The following KLF17 variants were observed in gnomAD, a reference collection of about 807,000 sequenced individuals.
KLF17 encodes the protein KLF transcription factor 17, also known as Krueppel-like factor 17.
A neutral mutation model predicts 34.2 loss-of-function variants in KLF17; 31 were observed. The observed-to-expected ratio is 0.91, with a 90% confidence interval of 0.68 to 1.22. The LOEUF (loss-of-function observed/expected upper bound fraction) is 1.22, where lower values mean the gene tolerates loss of function less well. KLF17 is among the 50% of genes most tolerant of loss of function. The probability of loss-of-function intolerance (pLI) is 0.00; values close to 1 mark genes in which losing one functional copy is unlikely to be tolerated. For synonymous variants in KLF17, 179 were observed against 186.7 expected, an observed-to-expected ratio of 0.96 and a Z score of 0.34; for missense variants, 478 against 505.2, an observed-to-expected ratio of 0.95 and a Z score of 0.52.
chr1:44,112,099 T>A, the KLF17 span, among the ~76,000 whole-genome samples: 3 of 152,208 alleles, frequency 2.0e-5, no homozygotes, highest in African/African-American at 7.2e-5. Context: ...TGAAGTTGGA[T>A]TCCCATTGTT....
the KLF17 span, among the ~76,000 whole-genome samples, chr1:44,060,977 T>A: frequency 4.6e-5 from 7 of 152,226 alleles, no homozygotes; most frequent in Non-Finnish European, 7.3e-5. Context: ...AGGGCATTAA[T>A]CCCAGCTGTA....
the KLF17 span, among the ~76,000 whole-genome samples, chr1:44,084,370 T>A: frequency 6.6e-6 from 1 of 152,258 alleles, no homozygotes; most frequent in Non-Finnish European, 1.5e-5. Context: ...TGCCTAATCC[T>A]GGAAGCGAAG....
chr1:44,081,328 T>C, the KLF17 span, among the ~76,000 whole-genome samples: 1 of 151,974 alleles, frequency 6.6e-6, no homozygotes. Flanking sequence ...TTAAACTAAA[T>C]CTGTTTAGTT....
At chr1:44,107,536 A>G in the KLF17 span, among the ~76,000 whole-genome samples, 449 of 152,310 alleles carry the variant, frequency 2.9e-3, 5 homozygotes, top group African/African-American at 0.01. Flanking sequence ...TTTAAATTGC[A>G]TGTTGTTCTG....
At chr1:44,084,614 A>G in the KLF17 span, among the ~76,000 whole-genome samples, 9 of 151,950 alleles carry the variant, frequency 5.9e-5, no homozygotes, top group Non-Finnish European at 1.0e-4. Flanking sequence ...TATGAGGTCA[A>G]GACTGCAGCT....
At chr1:44,088,840 A>T in the KLF17 span, among the ~76,000 whole-genome samples, 6 of 151,902 alleles carry the variant, frequency 3.9e-5, no homozygotes, top group Non-Finnish European at 8.8e-5. Context: ...AAATAGGAGG[A>T]GCTGATTGGA....
the KLF17 span, among the ~76,000 whole-genome samples, chr1:44,049,211 G>C: frequency 0.62 from 94,141 of 151,918 alleles, 29,863 homozygotes; most frequent in East Asian, 0.77. Flanking sequence ...ATCCCATCAT[G>C]AGGACCCTAC....
At chr1:44,062,192 T>G in the KLF17 span, among the ~76,000 whole-genome samples, 2 of 152,348 alleles carry the variant, frequency 1.3e-5, no homozygotes, top group African/African-American at 2.4e-5. Context: ...TTCCAAGCAC[T>G]TGATGTTGTC....
chr1:44,086,335 G>T, the KLF17 span, among the ~76,000 whole-genome samples: 1 of 152,158 alleles, frequency 6.6e-6, no homozygotes, highest in Non-Finnish European at 1.5e-5. Context: ...GCGTGGTGGC[G>T]CATGCCTGTA....
chr1:44,130,688 G>T lies in KLF17; in HGVS notation c.1102G>T (p.Gly368Ter), dbSNP rs2088098025. 1.9e-6 allele frequency: 3 copies of T among 1,613,068 alleles called. No homozygotes were observed. The Admixed American group carries it at 5.0e-5, about 27-fold the overall frequency. Residue 368 changes from glycine to a stop codon, truncating the protein, a stop_gained, in exon 3 of 4, where the codon GGA becomes TGA. Coordinates refer to ENST00000372299, the MANE Select transcript of KLF17 (RefSeq NM_173484.4). LOFTEE classifies it high-confidence loss of function. ...GCAACACCAGAAGACTCATCGGCCGGGACCCTCAGACCCACAGGCCAACAA... is the reference window on the plus strand; with the variant it reads ...GCAACACCAGAAGACTCATCGGCCGTGACCCTCAGACCCACAGGCCAACAA... ...LKQHQKTHRPGPSDPQANNNN... is the reference protein window; with the variant it reads ...LKQHQKTHRP
At chr1:44,103,979 C>T in the KLF17 span, 2 of 854,742 alleles carry the variant, frequency 2.3e-6, no homozygotes, top group South Asian at 1.3e-5. Context: ...TCTCGTACTG[C>T]GCCTTGACCT....
chr1:44,079,667 G>A, the KLF17 span, among the ~76,000 whole-genome samples: 32 of 152,078 alleles, frequency 2.1e-4, no homozygotes, highest in African/African-American at 5.3e-4. Context: ...TTTCCTGACC[G>A]GAACCTGATT....
At chr1:44,058,667 CTTTTTTTTTTTTTTTTT>C in the KLF17 span, among the ~76,000 whole-genome samples, 52 of 65,218 alleles carry the variant, frequency 8.0e-4, 1 homozygote, top group African/African-American at 1.5e-3. Context: ...ATGGGAGGCC[CTTTTTTTTTTTTTTTTT>C]TTTTTTTTTT....
chr1:44,074,548 G>A, the KLF17 span, among the ~76,000 whole-genome samples: 2 of 152,186 alleles, frequency 1.3e-5, no homozygotes, highest in Non-Finnish European at 2.9e-5. Flanking sequence ...GAAGCTGCCA[G>A]GGACATAGTT....
chr1:44,070,217 AT>A, the KLF17 span, among the ~76,000 whole-genome samples: 1 of 152,168 alleles, frequency 6.6e-6, no homozygotes, highest in Non-Finnish European at 1.5e-5. Context: ...GTATGCATTT[AT>A]GGGGCACAAG....
At chr1:44,071,060 T>C in the KLF17 span, among the ~76,000 whole-genome samples, 1 of 152,178 alleles carries the variant, frequency 6.6e-6, no homozygotes, top group Non-Finnish European at 1.5e-5. Flanking sequence ...CCCTGCAACT[T>C]CAGACACCAT....
chr1:44,061,164 C>T, the KLF17 span: 1 of 152,198 alleles, frequency 6.6e-6, no homozygotes, highest in Non-Finnish European at 1.5e-5. Flanking sequence ...CACAAGGCTT[C>T]CAACTCGACC....
the KLF17 span, among the ~76,000 whole-genome samples, chr1:44,060,514 C>T: frequency 6.6e-6 from 1 of 152,020 alleles, no homozygotes; most frequent in African/African-American, 2.4e-5. Flanking sequence ...TGTTGGCCAC[C>T]CTTGCCCCTC....
At chr1:44,098,549 CTT>C in the KLF17 span, among the ~76,000 whole-genome samples, 2 of 118,968 alleles carry the variant, frequency 1.7e-5, no homozygotes, top group Admixed American at 8.9e-5. Context: ...ACTCATATTT[CTT>C]TTTTTTTTTT....
Sources: allele counts gnomAD v4.1 joint callset (sites outside exome capture counted in the v4.1 genomes callset), GRCh38; gene constraint gnomAD v4.1.1; transcripts MANE v1.5; gene names NCBI Gene and HGNC (gene_info 2026-07-23, HGNC 2026-07-21).